The following CEACAM3 variants were observed in gnomAD, a reference collection of about 807,000 sequenced individuals.
CEACAM3 encodes the protein cell adhesion molecule CEACAM3.
CEACAM3 carries 32 observed loss-of-function variants against 30.1 expected under a neutral mutation model. That is an observed-to-expected ratio of 1.06 (90% CI 0.80 to 1.43). The LOEUF is 1.43. Among genes scored for constraint, CEACAM3 ranks in the 40% most tolerant of loss-of-function variants. CEACAM3 has a pLI of 0.00. For synonymous variants in CEACAM3, 134 were observed against 127.2 expected (o/e 1.05, Z -0.36); for missense variants, 290 against 316.3 (o/e 0.92, Z 0.63).
chr19:41,798,042 T>C (rs1555825520), intron 2 of CEACAM3, 94 bp downstream of exon 2: 37 of 1,523,426 alleles, frequency 2.4e-5, no homozygotes, highest in Non-Finnish European at 3.0e-5. Flanking sequence ...TGGCCCTCTC[T>C]GCATTACATT....
At position 41,797,850 on chromosome 19, in the gene CEACAM3, T is replaced by C; in HGVS notation, c.326T>C (p.Ile109Thr). The C allele has an allele frequency of 6.2e-7, 1 of 1,613,598 alleles. No individual in the cohort carries two copies. The highest frequency in any genetic ancestry group is 8.5e-7 in the Non-Finnish European group (1 of 1,180,034). Residue 109 changes from isoleucine (I) to threonine (T), a missense_variant, in exon 2 of 7, where the codon ATC becomes ACC. Physicochemically the swap from Ile to Thr is moderately conservative, Grantham distance 89. Coordinates refer to ENST00000357396, the MANE Select transcript of CEACAM3 (RefSeq NM_001815.5). ...ATATACACCAATGCATCCCTGCTGA[T>C]CCAGAATGTCACCCAGAATGACATA... ...ETIYTNASLL[I>T]QNVTQNDIGF...
intron 2 of CEACAM3, among the ~76,000 whole-genome samples, chr19:41,799,520 A>C (rs1046072854): frequency 6.6e-6 from 1 of 152,174 alleles, no homozygotes; most frequent in Non-Finnish European, 1.5e-5. Context: ...TATAGTAACA[A>C]AAAATAGCCT....
intron 2 of CEACAM3, among the ~76,000 whole-genome samples, chr19:41,801,718 T>TG (rs1176352568): frequency 2.0e-5 from 3 of 151,942 alleles, no homozygotes; most frequent in Non-Finnish European, 4.4e-5. Context: ...TGCCTCTGAG[T>TG]GGGGGCCACA....
At chr19:41,808,990 A>G in intron 3 of CEACAM3, 60 bp downstream of exon 3, 1 of 1,252,144 alleles carries the variant, frequency 8.0e-7, no homozygotes, top group Non-Finnish European at 1.1e-6. Flanking sequence ...GCCAAAAGAA[A>G]GGAGACCTTG....
intron 4 of CEACAM3, 24 bp downstream of exon 4, chr19:41,810,041 G>C: frequency 6.2e-7 from 1 of 1,611,294 alleles, no homozygotes; most frequent in Non-Finnish European, 8.5e-7. Context: ...CAGCCCAGGT[G>C]TGGCTGGGAA....
Position 41,807,160 on chromosome 19 carries a change from G to T in CEACAM3, c.425-1653G>T, listed in dbSNP as rs547687500. The stretch of plus-strand genomic sequence containing the variant: ...CCAGCAACAACTCCAACCCCAAGGA[G>T]GACAAGGATGCTGTGGCCTTCACCT... On this transcript the variant is annotated intron_variant, in intron 2 of 6. Transcript: ENST00000357396. 1.9e-6 allele frequency: 3 copies of T among 1,540,388 alleles called. No individual in the cohort carries two copies. The African/African-American group carries it at 4.3e-5, about 22-fold the overall frequency.
At chr19:41,804,395 C>G (rs8113720) in intron 2 of CEACAM3, among the ~76,000 whole-genome samples, 75,462 of 151,942 alleles carry the variant, frequency 0.5, 21,346 homozygotes, top group Middle Eastern at 0.73. Flanking sequence ...TAATCAAATT[C>G]TAGTTGTGTT....
intron 2 of CEACAM3, among the ~76,000 whole-genome samples, chr19:41,802,274 T>G (rs1199530731): frequency 1.3e-5 from 2 of 152,184 alleles, no homozygotes; most frequent in Non-Finnish European, 2.9e-5. Context: ...CCTAGAGACT[T>G]CTGGTGTCCA....
At position 41,797,651 on chromosome 19, in the gene CEACAM3, C is replaced by T. The variant is rs2073112785; in HGVS notation, c.127C>T (p.Leu43Phe). ...CAAGCTCACTATTGAATCCATGCCGCTCAGTGTCGCAGAGGGGAAGGAGGT... is the reference window on the plus strand; with the variant it reads ...CAAGCTCACTATTGAATCCATGCCGTTCAGTGTCGCAGAGGGGAAGGAGGT... ...TAKLTIESMP[L>F]SVAEGKEVLL... Residue 43 changes from leucine to phenylalanine, a missense_variant, in exon 2 of 7, where the codon CTC becomes TTC. Transcript: ENST00000357396. 1 of 1,614,072 alleles carries T rather than the reference C, an allele frequency of 6.2e-7. No individual in the cohort carries two copies.
intron 2 of CEACAM3, among the ~76,000 whole-genome samples, chr19:41,802,517 G>A (rs527825253): frequency 1.2e-4 from 18 of 152,306 alleles, no homozygotes; most frequent in African/African-American, 4.1e-4. Context: ...AATCTGAACT[G>A]TAACTGACAA....
chr19:41,801,495 C>T (rs1016794162), intron 2 of CEACAM3, among the ~76,000 whole-genome samples: 2 of 152,214 alleles, frequency 1.3e-5, no homozygotes, highest in African/African-American at 2.4e-5. Flanking sequence ...TTCACTGAGA[C>T]CACGATATTG....
intron 2 of CEACAM3, chr19:41,807,616 A>G (rs2073213844): frequency 1.7e-6 from 2 of 1,210,086 alleles, no homozygotes. Context: ...TGGGAGAAAC[A>G]GGTGAATATC....
chr19:41,803,461 G>GCTTT (rs2073170775), intron 2 of CEACAM3, among the ~76,000 whole-genome samples: 2 of 74,090 alleles, frequency 2.7e-5, no homozygotes, highest in Non-Finnish European at 7.2e-5. Context: ...TGTGTGTGTT[G>GCTTT]TTTTGTTTGT....
chr19:41,809,904 C>A, intron 3 of CEACAM3, 61 bp from the exon 4 acceptor site: 2 of 1,556,236 alleles, frequency 1.3e-6, no homozygotes, highest in Non-Finnish European at 1.8e-6. Context: ...GTCCCCTGTT[C>A]GAACTCCAAA....
intron 2 of CEACAM3, among the ~76,000 whole-genome samples, chr19:41,805,760 C>T (rs2073193412): frequency 6.6e-6 from 1 of 152,238 alleles, no homozygotes; most frequent in South Asian, 2.1e-4. Flanking sequence ...CCATCAAACA[C>T]AGAGTCCATG....
chr19:41,807,172 T>C, intron 2 of CEACAM3: 1 of 1,504,360 alleles, frequency 6.6e-7, no homozygotes, highest in Non-Finnish European at 9.0e-7. Context: ...ACAAGGATGC[T>C]GTGGCCTTCA....
At chr19:41,802,851 C>T (rs1555826161) in intron 2 of CEACAM3, among the ~76,000 whole-genome samples, 2 of 152,142 alleles carry the variant, frequency 1.3e-5, no homozygotes, top group African/African-American at 4.8e-5. Flanking sequence ...CAACTCCAGC[C>T]CCCTGTAGCC....
intron 1 of CEACAM3, chr19:41,797,337 C>T: frequency 2.0e-6 from 1 of 495,934 alleles, no homozygotes; most frequent in South Asian, 2.9e-5. Context: ...CCAAGGATGC[C>T]CTGATGTGAG....
intron 5 of CEACAM3, among the ~76,000 whole-genome samples, 191 bp from the exon 6 acceptor site, chr19:41,810,641 G>A (rs1351278627): frequency 6.6e-6 from 1 of 152,172 alleles, no homozygotes; most frequent in Non-Finnish European, 1.5e-5. Context: ...ACATTAACAA[G>A]GGTGCAGGGT....
Sources: gnomAD v4.1 joint callset for allele counts (sites outside exome capture counted in the v4.1 genomes callset) on GRCh38, gnomAD v4.1.1 for gene constraint, MANE v1.5 for transcripts, NCBI Gene and HGNC (gene_info 2026-07-23, HGNC 2026-07-21) for gene names.